Variants in MRGPRF observed in about 807,000 individuals in gnomAD.
MRGPRF encodes mas-related G protein-coupled receptor member F.
In MRGPRF, 2 loss-of-function variants were observed where a neutral mutation model predicts 3.3. That is an observed-to-expected ratio of 0.61 (90% CI 0.25 to 1.92). The LOEUF (loss-of-function observed/expected upper bound fraction) is 1.92, where lower values mean the gene tolerates loss of function less well. Ranked by LOEUF, MRGPRF falls within the 40% of genes most tolerant of loss-of-function variation. The pLI is 0.16. For synonymous variants in MRGPRF, 242 were observed against 222.7 expected (o/e 1.09, Z -0.77); for missense variants, 500 against 476.0 (o/e 1.05, Z -0.47).
Position 69,006,156 on chromosome 11 carries a change from G to C in MRGPRF, c.154C>G (p.Leu52Val). 1 of 1,614,136 alleles carries C rather than the reference G, an allele frequency of 6.2e-7. No homozygotes were observed. Among genetic ancestry groups the C allele is most frequent in the Non-Finnish European group, 8.5e-7 (1 of 1,180,032 alleles). Residue 52 changes from leucine to valine, a missense_variant, in exon 3 of 3, where the codon CTG (leucine) becomes GTG (valine). Leu to Val is a conservative substitution (Grantham distance 32). Coordinates refer to ENST00000309099, the MANE Select transcript of MRGPRF (RefSeq NM_145015.5). ...ACCAGGCCACACAGGCAGAGGAGCA[G>C]GAAGATGTAGTTCATGACGGCCGGA... ...PPPAVMNYIF[L>V]LLCLCGLVGN... is the part of the protein sequence containing the mutation.
In MRGPRF at chr11:69,005,239, G is replaced by C; in HGVS notation, c.*39C>G. On this transcript the variant is annotated 3_prime_UTR_variant, in exon 3 of 3. Coordinates refer to ENST00000309099, the MANE Select transcript of MRGPRF (RefSeq NM_145015.5). ...CTGTCCCAAGGCGAAGGGTCTTGGA[G>C]GCCGCTTCCTGCCCCTGCCTCCTCC... 3 of 1,454,976 alleles carry C rather than the reference G, an allele frequency of 2.1e-6. No homozygotes were observed. The highest frequency in any genetic ancestry group is 2.7e-6 in the Non-Finnish European group (3 of 1,110,248). 90.1% of individuals were successfully genotyped at this position (1,454,976 alleles called of 1,614,324 possible). A position where few individuals can be genotyped will look rare whatever the true frequency, so the allele number is the denominator to read the frequency against.
At chr11:69,011,057 C>A (rs1860585462) in intron 1 of MRGPRF, among the ~76,000 whole-genome samples, 1 of 152,148 alleles carries the variant, frequency 6.6e-6, no homozygotes, top group Admixed American at 6.5e-5. Flanking sequence ...AAGGGGAGAG[C>A]TGGGCATCCT....
chr11:69,010,578 C>A (rs1367235590), intron 1 of MRGPRF, among the ~76,000 whole-genome samples: 1 of 152,214 alleles, frequency 6.6e-6, no homozygotes, highest in Admixed American at 6.5e-5. Flanking sequence ...CAGCTATGGG[C>A]CAGGTATCCT....
intron 2 of MRGPRF, 112 bp from the exon 3 acceptor site, chr11:69,006,373 A>G: frequency 1.0e-6 from 1 of 977,580 alleles, no homozygotes; most frequent in Non-Finnish European, 1.4e-6. Flanking sequence ...GACTTGGGGC[A>G]GGGAGGGGGT....
rs1860486298 is a variant in MRGPRF, at chr11:69,006,234, C to G, written c.76G>C (p.Glu26Gln). ...KMCPGLSEAP[E>Q]LYSRGFLTIE... ...GTCAGGAAGCCCCGGCTGTAGAGTT[C>G]CGGGGCCTCGCTCAGGCCAGGGCAC... The change falls in exon 3 of 3, where the codon GAA (glutamate) becomes CAA (glutamine). Residue 26 changes from glutamate to glutamine, a missense_variant. By Grantham distance (29) the Glu-to-Gln change is conservative. Coordinates refer to ENST00000309099, the MANE Select transcript of MRGPRF (RefSeq NM_145015.5). 1 of 1,612,606 alleles carries G rather than the reference C, an allele frequency of 6.2e-7. No individual in the cohort carries two copies.
intron 2 of MRGPRF, chr11:69,009,556 G>A: frequency 1.7e-6 from 1 of 593,182 alleles, no homozygotes; most frequent in Non-Finnish European, 3.0e-6. Flanking sequence ...ACCTCTGCAG[G>A]GAAGAGATGA....
chr11:69,009,761 G>T (rs745782519), intron 2 of MRGPRF, 93 bp downstream of exon 2: 4 of 1,421,430 alleles, frequency 2.8e-6, no homozygotes, highest in African/African-American at 1.4e-5. Context: ...GGGCCAGGAA[G>T]GGGGGGATGG....
At chr11:69,006,451 C>T (rs185867951) in intron 2 of MRGPRF, among the ~76,000 whole-genome samples, 190 bp from the exon 3 acceptor site, 28 of 152,208 alleles carry the variant, frequency 1.8e-4, no homozygotes, top group Admixed American at 3.3e-4. Flanking sequence ...CTGACCTCAC[C>T]TGATGTTAAC....
intron 1 of MRGPRF, among the ~76,000 whole-genome samples, chr11:69,012,027 A>C (rs1860607033): frequency 6.6e-6 from 1 of 152,240 alleles, no homozygotes; most frequent in South Asian, 2.1e-4. Context: ...AAGATCTAGA[A>C]GCCAGCAGAC....
chr11:69,005,680 G>A lies in MRGPRF; in HGVS notation c.630C>T (p.Cys210=), dbSNP rs1215301671. The A allele has an allele frequency of 1.3e-6, 2 of 1,551,400 alleles. No individual in the cohort carries two copies. Among genetic ancestry groups the A allele is most frequent in the Admixed American group, 3.9e-5 (2 of 51,024 alleles). Residue 210 remains cysteine, a synonymous_variant, in exon 3 of 3, where the codon TGC becomes TGT. Transcript: ENST00000309099. ...FLGILLFLLC[C]PLMVLPCLAL... ...CCAGGCAGGGCAGCACCATGAGCGG[G>A]CAGCAGAGCAGGAACAGGAGGATGC... is the stretch of plus-strand genomic sequence containing the variant.
Position 69,005,690 on chromosome 11 carries a change from A to G in MRGPRF, c.620T>C (p.Leu207Pro). The G allele has an allele frequency of 6.4e-7, 1 of 1,551,106 alleles. No individual in the cohort carries two copies. The highest frequency in any genetic ancestry group is 2.4e-5 in the East Asian group (1 of 40,928). The change falls in exon 3 of 3, where the codon CTG becomes CCG. Residue 207 changes from leucine to proline, a missense_variant. Physicochemically the swap from Leu to Pro is moderately conservative, Grantham distance 98. Coordinates refer to ENST00000309099, the MANE Select transcript of MRGPRF (RefSeq NM_145015.5). ...CAGCACCATGAGCGGGCAGCAGAGC[A>G]GGAACAGGAGGATGCCCAGGAAGAT... is the stretch of plus-strand genomic sequence containing the variant. Reference protein sequence around the residue: ...MDIFLGILLFLLCCPLMVLPC... With the variant: ...MDIFLGILLFPLCCPLMVLPC...
intron 1 of MRGPRF, among the ~76,000 whole-genome samples, chr11:69,010,645 C>T (rs1191218821): frequency 6.6e-6 from 1 of 152,322 alleles, no homozygotes; most frequent in African/African-American, 2.4e-5. Flanking sequence ...TGCCCAAAGG[C>T]ACACCCATAG....
chr11:69,005,957 A>G lies in MRGPRF; in HGVS notation c.353T>C (p.Val118Ala), dbSNP rs970984748. Residue 118 changes from valine to alanine, a missense_variant, in exon 3 of 3, where the codon GTG (valine) becomes GCG (alanine). By Grantham distance (64) the Val-to-Ala change is moderately conservative. Transcript: ENST00000309099. ...LGTFADYIRS[V>A]CRVLGLCMFL... ...CATGCAGAGCCCCAGGACCCGGCAC[A>G]CGCTGCGGATGTAGTCGGCAAACGT... 9 of 1,569,096 alleles carry G rather than the reference A, an allele frequency of 5.7e-6. No individual in the cohort carries two copies. The highest frequency in any genetic ancestry group is 7.8e-6 in the Non-Finnish European group (9 of 1,157,304).
chr11:69,011,035 C>T (rs997576402), intron 1 of MRGPRF, among the ~76,000 whole-genome samples: 9 of 152,150 alleles, frequency 5.9e-5, no homozygotes, highest in Non-Finnish European at 8.8e-5. Context: ...GCTGCCGGGC[C>T]CCTCCTCTCC....
intron 1 of MRGPRF, 104 bp from the exon 2 acceptor site, chr11:69,010,061 C>T (rs1044180962): frequency 7.1e-6 from 5 of 701,122 alleles, no homozygotes; most frequent in Non-Finnish European, 1.2e-5. Flanking sequence ...CAGCCATCAC[C>T]TTAGAGGAAA....
Position 69,006,211 on chromosome 11 carries a change from C to T in MRGPRF, c.99G>A (p.Leu33=), listed in dbSNP as rs771332844. ...GCAGCATCGCGATCTGCTCGATGGT[C>T]AGGAAGCCCCGGCTGTAGAGTTCCG... is the stretch of plus-strand genomic sequence containing the variant. ...EAPELYSRGF[L]TIEQIAMLPP... Residue 33 remains leucine, a synonymous_variant, in exon 3 of 3, where the codon CTG becomes CTA. Transcript: ENST00000309099. 6.2e-7 allele frequency: 1 copy of T among 1,613,570 alleles called. No individual in the cohort carries two copies.
Position 69,005,895 on chromosome 11 carries a change from C to T in MRGPRF, c.415G>A (p.Ala139Thr), listed in dbSNP as rs550397705. 8 of 1,570,720 alleles carry T rather than the reference C, an allele frequency of 5.1e-6. No homozygotes were observed. The highest frequency in any genetic ancestry group is 4.6e-5 in the East Asian group (2 of 43,260). ...TGVSLLPAVS[A>T]ERCASVIFPA... Reference sequence around the variant, plus strand: ...AAGATGACCGAGGCGCAGCGCTCGGCGCTGACGGCCGGCAGGAGGCTCACG... The same window carrying T: ...AAGATGACCGAGGCGCAGCGCTCGGTGCTGACGGCCGGCAGGAGGCTCACG... Residue 139 changes from alanine (A) to threonine (T), a missense_variant, in exon 3 of 3, where the codon GCC (alanine) becomes ACC (threonine). Physicochemically the swap from Ala to Thr is moderately conservative, Grantham distance 58. Transcript: ENST00000309099.
rs1490694992 is a variant in MRGPRF at position 69,005,820 on chromosome 11, A to T, written c.490T>A (p.Cys164Ser). ...RRPKRLSAVV[C>S]ALLWVLSLLV... ...AGGGACAGGACCCACAGCAGGGCGC[A>T]CACCACGGCCGACAGGCGCTTGGGC... is the stretch of plus-strand genomic sequence containing the variant. The change falls in exon 3 of 3, where the codon TGC becomes AGC. Residue 164 changes from cysteine (C) to serine (S), a missense_variant. Cys to Ser is a moderately radical substitution (Grantham distance 112). Coordinates refer to ENST00000309099, the MANE Select transcript of MRGPRF (RefSeq NM_145015.5). The T allele has an allele frequency of 6.5e-6, 10 of 1,532,422 alleles. No individual in the cohort carries two copies. The highest frequency in any genetic ancestry group is 8.8e-6 in the Non-Finnish European group (10 of 1,139,500). 94.9% of individuals were successfully genotyped at this position (1,532,422 alleles called of 1,614,324 possible).
intron 2 of MRGPRF, among the ~76,000 whole-genome samples, chr11:69,008,461 G>A (rs960523401): frequency 3.3e-5 from 5 of 152,220 alleles, no homozygotes; most frequent in Non-Finnish European, 2.9e-5. Context: ...GCTGGGTCCT[G>A]AGAGACTGTT....
Sources: allele counts gnomAD v4.1 joint callset (sites outside exome capture counted in the v4.1 genomes callset), GRCh38; gene constraint gnomAD v4.1.1; transcripts MANE v1.5; gene names NCBI Gene and HGNC (gene_info 2026-07-23, HGNC 2026-07-21).